Variants in RTN2 observed in about 807,000 individuals in gnomAD.
RTN2 encodes the protein reticulon 2.
Under a neutral mutation model 63.7 loss-of-function variants are expected in RTN2, and 36 were observed. That is an observed-to-expected ratio of 0.56 (90% CI 0.43 to 0.75). RTN2 has a LOEUF of 0.75. RTN2 is among the 30% of genes least tolerant of loss of function. RTN2 has a pLI of 0.00. For synonymous variants in RTN2, 312 were observed against 313.0 expected (o/e 1.00, Z 0.03); for missense variants, 673 against 705.1 (o/e 0.95, Z 0.52).
chr19:45,494,136 C>CA lies in RTN2; in HGVS notation c.814+29dup, dbSNP rs777210502. The CA allele has an allele frequency of 5.7e-5, 91 of 1,595,686 alleles. No individual in the cohort carries two copies. In the African/African-American group the frequency reaches 1.2e-3, roughly 20 times the overall value. On this transcript the variant is annotated intron_variant, in intron 4 of 10. Coordinates refer to ENST00000245923, the MANE Select transcript of RTN2 (RefSeq NM_005619.5). This position sits in a 1 kb window ranked among gnomAD's most constrained non-coding sequence, Gnocchi z 5.3. ...CTCTCACCTTTTGCCTTCTGTGGGC[C>CA]AATGCAGCATCTTCATACACGTTGC... is the stretch of plus-strand genomic sequence containing the variant.
chr19:45,485,619 G>C lies in RTN2; in HGVS notation c.*89C>G, dbSNP rs935185376. 1 of 1,055,970 alleles carries C rather than the reference G, an allele frequency of 9.5e-7. No homozygotes were observed. Among genetic ancestry groups the C allele is most frequent in the Admixed American group, 1.7e-5 (1 of 57,762 alleles). The allele number at this position is 1,055,970 out of a possible 1,614,324, so 65.4% of individuals were successfully genotyped here. A position where few individuals can be genotyped will look rare whatever the true frequency, so the allele number is the denominator to read the frequency against. On this transcript the variant is annotated 3_prime_UTR_variant, in exon 11 of 11. Coordinates refer to ENST00000245923, the MANE Select transcript of RTN2 (RefSeq NM_005619.5). Reference sequence around the variant, plus strand: ...ACCGGGAAAAGGCTCGGGCCGAGGAGGGGGGTGGGTGGGAACGGACAAGAG... The same window carrying C: ...ACCGGGAAAAGGCTCGGGCCGAGGACGGGGGTGGGTGGGAACGGACAAGAG...
At position 45,494,864 on chromosome 19, in the gene RTN2, C is replaced by T; in HGVS notation, c.221G>A (p.Gly74Asp). The change falls in exon 3 of 11, where the codon GGC becomes GAC. Residue 74 changes from glycine to aspartate, a missense_variant. Physicochemically the swap from Gly to Asp is moderately conservative, Grantham distance 94. Transcript: ENST00000245923. The surrounding 1 kb of genome is among the most constrained non-coding windows in gnomAD (Gnocchi z 5.3). ...FSYIAFDGVVGSGGRRDSTAR... is the reference protein window; with the variant it reads ...FSYIAFDGVVDSGGRRDSTAR... ...AGTTGAATCCCTGCGGCCCCCGGAG[C>T]CCACTACACCATCAAAGGCGATGTA... The T allele has an allele frequency of 6.2e-7, 1 of 1,607,130 alleles. No individual in the cohort carries two copies.
chr19:45,494,144 C>G lies in RTN2; in HGVS notation c.814+22G>C. 6.3e-7 allele frequency: 1 copy of G among 1,597,538 alleles called. No homozygotes were observed. The highest frequency in any genetic ancestry group is 8.5e-7 in the Non-Finnish European group (1 of 1,177,988). ...TTTTGCCTTCTGTGGGCCAATGCAG[C>G]ATCTTCATACACGTTGCTTACCTAG... On this transcript the variant is annotated intron_variant, in intron 4 of 10. Transcript: ENST00000245923. The surrounding 1 kb of genome is among the most constrained non-coding windows in gnomAD (Gnocchi z 5.3).
chr19:45,491,104 G>A (rs1332191847), intron 5 of RTN2, among the ~76,000 whole-genome samples: 5 of 151,438 alleles, frequency 3.3e-5, no homozygotes, highest in African/African-American at 1.2e-4. Context: ...TAGCCAGGAT[G>A]GTCTTGATCT....
At chr19:45,492,232 C>T (rs1321498093) in intron 5 of RTN2, among the ~76,000 whole-genome samples, 1 of 152,178 alleles carries the variant, frequency 6.6e-6, no homozygotes, top group Non-Finnish European at 1.5e-5. Context: ...CCAACCTCAG[C>T]CCTGACCAGT....
chr19:45,491,681 G>A (rs554370344), intron 5 of RTN2, among the ~76,000 whole-genome samples: 14 of 151,990 alleles, frequency 9.2e-5, no homozygotes, highest in African/African-American at 3.1e-4. Context: ...ACAGGCGCCC[G>A]TCACCATGCC....
intron 9 of RTN2, 61 bp from the exon 10 acceptor site, chr19:45,486,174 TA>T: frequency 6.8e-7 from 1 of 1,478,154 alleles, no homozygotes; most frequent in South Asian, 1.2e-5. Context: ...TTTAGTCACA[TA>T]GGAGGCTGCT....
In RTN2 at chr19:45,494,111, C is replaced by T. The variant is rs1968218886; in HGVS notation, c.814+55G>A. 1.9e-6 allele frequency: 3 copies of T among 1,581,980 alleles called. No individual in the cohort carries two copies. The highest frequency in any genetic ancestry group is 2.6e-6 in the Non-Finnish European group (3 of 1,169,956). The stretch of plus-strand genomic sequence containing the variant: ...AGGTTGGTCCCTTTAATTCAAAATC[C>T]TCTCACCTTTTGCCTTCTGTGGGCC... On this transcript the variant is annotated intron_variant, in intron 4 of 10. Transcript: ENST00000245923. The surrounding 1 kb of genome is among the most constrained non-coding windows in gnomAD (Gnocchi z 5.3).
In RTN2 at chr19:45,488,676, C is replaced by A. The variant is rs138355894; in HGVS notation, c.1411G>T (p.Val471Leu). Reference protein sequence around the residue: ...LALLFYILTFVGAIFNGLTLL... With the variant: ...LALLFYILTFLGAIFNGLTLL... ...GTCAAACCATTGAAGATGGCACCCA[C>A]GAAGGTCAAGATGTAGAAGAGGAGG... The change falls in exon 8 of 11, where the codon GTG (valine) becomes TTG (leucine). Residue 471 changes from valine to leucine, a missense_variant. Coordinates refer to ENST00000245923, the MANE Select transcript of RTN2 (RefSeq NM_005619.5). 6.2e-7 allele frequency: 1 copy of A among 1,613,922 alleles called. No homozygotes were observed. Among genetic ancestry groups the A allele is most frequent in the South Asian group, 1.1e-5 (1 of 91,028 alleles).
intron 5 of RTN2, among the ~76,000 whole-genome samples, chr19:45,491,409 G>C (rs1455635982): frequency 6.7e-6 from 1 of 149,372 alleles, no homozygotes; most frequent in Non-Finnish European, 1.5e-5. Flanking sequence ...CACCCAGGCT[G>C]GAGTACAGTG....
rs1968198174 is a variant in RTN2 at position 45,493,179 on chromosome 19, T to C, written c.1014A>G (p.Gly338=). The stretch of plus-strand genomic sequence containing the variant: ...GCCCACCTTTACTCCCCATATCGGC[T>C]CCGAGTGAGAGGCTGGGGACACCGC... ...RSSGVPSLSL[G]ADMGSKVADL... The change falls in exon 5 of 11, where the codon GGA becomes GGG. Residue 338 remains glycine (G), a synonymous_variant. Transcript: ENST00000245923. 4 of 1,612,104 alleles carry C rather than the reference T, an allele frequency of 2.5e-6. No individual in the cohort carries two copies. The African/African-American group carries it at 5.3e-5, about 22-fold the overall frequency.
chr19:45,489,477 G>T lies in RTN2; in HGVS notation c.1110C>A (p.Cys370Ter). 6.2e-7 allele frequency: 1 copy of T among 1,612,942 alleles called. No homozygotes were observed. Among genetic ancestry groups the T allele is most frequent in the Non-Finnish European group, 8.5e-7 (1 of 1,179,580 alleles). Reference protein sequence around the residue: ...VFTGLMVSLLCLLHFSIVSVA... With the variant: ...VFTGLMVSLL ...CGGACACGATGCTAAAGTGCAGGAG[G>T]CAGAGGAGGGAGACCATCAGGCCTG... Residue 370 changes from cysteine to a stop codon, truncating the protein, a stop_gained, in exon 6 of 11, where the codon TGC (cysteine) becomes TGA (stop). Transcript: ENST00000245923. LOFTEE classifies it high-confidence loss of function.
intron 1 of RTN2, 167 bp downstream of exon 1, chr19:45,496,625 G>C (rs955340378): frequency 2.4e-6 from 1 of 420,856 alleles, no homozygotes; most frequent in Admixed American, 4.5e-5. Flanking sequence ...TCCGGGTCAG[G>C]CTACCCCCGT....
In RTN2 at chr19:45,493,736, A is replaced by AT. The variant is rs1453999751; in HGVS notation, c.815-359dup. 1.8e-5 allele frequency: 5 copies of AT among 271,338 alleles called. No individual in the cohort carries two copies. In the Admixed American group the frequency reaches 2.6e-4, roughly 14 times the overall value. The allele number at this position is 271,338 out of a possible 1,614,324, so 16.8% of individuals were successfully genotyped here. On this transcript the variant is annotated intron_variant, in intron 4 of 10. Transcript: ENST00000245923. ...GGAGGAGCACTCCAGAAGAGGGAGG[A>AT]TTATTTTATTTTATTTTTATTTTTT...
rs917119159 is a variant in RTN2 at position 45,489,348 on chromosome 19, G to A, written c.1239C>T (p.Phe413=). ...GGTCAGGGGCCGGGGGTTCTCACTG[G>A]AAAGGGTTGGCTCCATCCCCCCGGT... is the stretch of plus-strand genomic sequence containing the variant. ...AVHRGDGANP[F]QAYLDVDLTL... The change falls in exon 6 of 11, where the codon TTC becomes TTT. Residue 413 remains phenylalanine, a splice_region_variant and synonymous_variant. Coordinates refer to ENST00000245923, the MANE Select transcript of RTN2 (RefSeq NM_005619.5). The A allele has an allele frequency of 2.7e-5, 42 of 1,560,534 alleles. No individual in the cohort carries two copies. The highest frequency in any genetic ancestry group is 3.5e-5 in the Non-Finnish European group (40 of 1,152,728).
At chr19:45,491,404 AG>A (rs1025020353) in intron 5 of RTN2, among the ~76,000 whole-genome samples, 15 of 143,742 alleles carry the variant, frequency 1.0e-4, no homozygotes, top group Non-Finnish European at 1.7e-4. Flanking sequence ...TCTGTCACCC[AG>A]GCTGGAGTAC....
rs764827191 is a variant in RTN2 at position 45,488,889 on chromosome 19, G to A, written c.1339C>T (p.Arg447Trp). The change falls in exon 7 of 11, where the codon CGG becomes TGG. Residue 447 changes from arginine (R) to tryptophan (W), a missense_variant. Arg to Trp is a moderately radical substitution (Grantham distance 101, BLOSUM62 -3). Coordinates refer to ENST00000245923, the MANE Select transcript of RTN2 (RefSeq NM_005619.5). ...SRVVSAATQLRHFFLVEDLVD... is the reference protein window; with the variant it reads ...SRVVSAATQLWHFFLVEDLVD... Reference sequence around the variant, plus strand: ...AGGTCTTCTACCAGGAAGAAGTGCCGCAGCTGCGTGGCCGCCGAGACCACG... The same window carrying A: ...AGGTCTTCTACCAGGAAGAAGTGCCACAGCTGCGTGGCCGCCGAGACCACG... 1.2e-5 allele frequency: 20 copies of A among 1,605,574 alleles called. No homozygotes were observed. Among genetic ancestry groups the A allele is most frequent in the South Asian group, 8.9e-5 (8 of 89,472 alleles).
In RTN2 at chr19:45,496,939, GC is replaced by G. The variant is rs1260822403; in HGVS notation, c.-115del. 15 of 554,208 alleles carry G rather than the reference GC, an allele frequency of 2.7e-5. No homozygotes were observed. The highest frequency in any genetic ancestry group is 3.8e-5 in the Non-Finnish European group (14 of 363,950). The allele number at this position is 554,208 out of a possible 1,614,324, so 34.3% of individuals were successfully genotyped here. On this transcript the variant is annotated 5_prime_UTR_variant, in exon 1 of 11. Coordinates refer to ENST00000245923, the MANE Select transcript of RTN2 (RefSeq NM_005619.5). ...CCACGACGCCGCTGCCATTCTCGCCGCCTCCTCCTCCCGGGCTGCTCCAGCC... is the reference window on the plus strand; with the variant it reads ...CCACGACGCCGCTGCCATTCTCGCCGCTCCTCCTCCCGGGCTGCTCCAGCC...
At chr19:45,496,718 GCCGAGGGGACACCGGGGAGTA>G in intron 1 of RTN2, 53 bp downstream of exon 1, 2 of 1,058,956 alleles carry the variant, frequency 1.9e-6, no homozygotes, top group South Asian at 4.1e-5. Flanking sequence ...GCGGGCAAGC[GCCGAGGGGACACCGGGGAGTA>G]CCCCACCTGA....
Sources: allele counts gnomAD v4.1 joint callset (sites outside exome capture counted in the v4.1 genomes callset), GRCh38; gene constraint gnomAD v4.1.1; non-coding constraint Gnocchi (gnomAD v3.1); transcripts MANE v1.5; gene names NCBI Gene and HGNC (gene_info 2026-07-23, HGNC 2026-07-21).